The following GSS variants were observed in gnomAD, a reference collection of about 807,000 sequenced individuals.
GSS encodes glutathione synthetase.
A neutral mutation model predicts 60.4 loss-of-function variants in GSS; 34 were observed. The ratio of observed to expected loss-of-function variants is 0.56; its 90% CI spans 0.43 to 0.75. The LOEUF (loss-of-function observed/expected upper bound fraction) is 0.75. GSS is among the 30% of genes least tolerant of loss of function. The pLI is 0.00. For synonymous variants in GSS, 224 were observed against 239.0 expected, an observed-to-expected ratio of 0.94 and a Z score of 0.58; for missense variants, 499 against 595.1, an observed-to-expected ratio of 0.84 and a Z score of 1.68.
chr20:34,939,939 G>C (rs1436386299), intron 6 of GSS, among the ~76,000 whole-genome samples: 1 of 151,952 alleles, frequency 6.6e-6, no homozygotes, highest in Non-Finnish European at 1.5e-5. Flanking sequence ...CAAAGTGCTG[G>C]GATTAGAGGT....
In GSS at chr20:34,936,855, C is replaced by T; in HGVS notation, c.690-15G>A. 1.2e-6 allele frequency: 2 copies of T among 1,613,306 alleles called. No homozygotes were observed. Among genetic ancestry groups the T allele is most frequent in the Middle Eastern group, 1.7e-4 (1 of 6,060 alleles). On this transcript the variant is annotated splice_polypyrimidine_tract_variant and intron_variant, in intron 7 of 12. Transcript: ENST00000651619. ...CATGGATGTTCCTGGGAAAAATGGG[C>T]AAGAGCCAGAGGGAATGGATGCTAT...
In GSS at chr20:34,928,578, A is replaced by G; in HGVS notation, c.*250T>C. 1 of 565,834 alleles carries G rather than the reference A, an allele frequency of 1.8e-6. No homozygotes were observed. The highest frequency in any genetic ancestry group is 3.2e-6 in the Non-Finnish European group (1 of 314,492). 35.1% of individuals were successfully genotyped at this position (565,834 alleles called of 1,614,324 possible). A position where few individuals can be genotyped will look rare whatever the true frequency, so the allele number is the denominator to read the frequency against. On this transcript the variant is annotated 3_prime_UTR_variant, in exon 13 of 13. Coordinates refer to ENST00000651619, the MANE Select transcript of GSS (RefSeq NM_000178.4). ...GATGAGGGGCTGACAGGAGTGGGGC[A>G]GGGTTCATGGACCTTTACCTCAGAG...
intron 2 of GSS, 52 bp from the exon 3 acceptor site, chr20:34,946,150 T>C: frequency 6.7e-7 from 1 of 1,489,230 alleles, no homozygotes; most frequent in Non-Finnish European, 9.3e-7. Context: ...GTGAACGGGT[T>C]GTCTTCCTGC....
intron 1 of GSS, among the ~76,000 whole-genome samples, chr20:34,953,243 G>A (rs144221210): frequency 1.7e-4 from 26 of 152,320 alleles, no homozygotes; most frequent in Middle Eastern, 3.4e-3. Context: ...GTGGTCCCCA[G>A]GAAGGGAGTT....
intron 3 of GSS, 75 bp from the exon 4 acceptor site, chr20:34,943,081 T>A (rs1329513681): frequency 1.1e-6 from 1 of 942,196 alleles, no homozygotes; most frequent in African/African-American, 1.6e-5. Context: ...CCTCAGTCAT[T>A]GACTCCTGAA....
At chr20:34,932,809 C>T (rs1185095896) in intron 9 of GSS, among the ~76,000 whole-genome samples, 1 of 151,690 alleles carries the variant, frequency 6.6e-6, no homozygotes, top group Non-Finnish European at 1.5e-5. Flanking sequence ...CACAAACATA[C>T]ACACACAAAT....
intron 9 of GSS, among the ~76,000 whole-genome samples, chr20:34,935,335 T>A (rs1352115855): frequency 6.6e-6 from 1 of 152,224 alleles, no homozygotes; most frequent in Non-Finnish European, 1.5e-5. Flanking sequence ...AGCACATCTC[T>A]GGAAACAGTG....
intron 6 of GSS, among the ~76,000 whole-genome samples, chr20:34,940,403 A>T (rs575277673): frequency 6.6e-6 from 1 of 152,336 alleles, no homozygotes; most frequent in South Asian, 2.1e-4. Context: ...GATGACTTCT[A>T]AATGCTTACA....
intron 10 of GSS, 132 bp downstream of exon 10, chr20:34,931,807 C>T (rs1176062782): frequency 6.2e-6 from 5 of 809,654 alleles, no homozygotes; most frequent in Non-Finnish European, 1.0e-5. Flanking sequence ...AGGGGTTCTC[C>T]AGAGCATCAC....
intron 12 of GSS, 140 bp downstream of exon 12, chr20:34,929,261 G>T: frequency 1.2e-6 from 1 of 809,074 alleles, no homozygotes; most frequent in Non-Finnish European, 2.1e-6. Flanking sequence ...TAAAGAAACA[G>T]GTAATAAAGC....
At chr20:34,941,337 A>T (rs2081480939) in intron 6 of GSS, among the ~76,000 whole-genome samples, 1 of 148,738 alleles carries the variant, frequency 6.7e-6, no homozygotes, top group African/African-American at 2.5e-5. Flanking sequence ...CCTGGGTGAG[A>T]GAGTGAGACT....
intron 3 of GSS, among the ~76,000 whole-genome samples, chr20:34,943,315 G>C (rs1346205341): frequency 6.6e-6 from 1 of 152,136 alleles, no homozygotes; most frequent in African/African-American, 2.4e-5. Flanking sequence ...AAGCCAATAA[G>C]ATATTACATT....
intron 2 of GSS, among the ~76,000 whole-genome samples, chr20:34,947,982 A>G (rs1237648867): frequency 7.7e-6 from 1 of 130,388 alleles, no homozygotes; most frequent in African/African-American, 2.9e-5. Flanking sequence ...GGGTCTTACT[A>G]TGTTGCCCAG....
At chr20:34,950,745 G>A (rs1439485052) in intron 2 of GSS, among the ~76,000 whole-genome samples, 2 of 152,074 alleles carry the variant, frequency 1.3e-5, no homozygotes, top group African/African-American at 4.8e-5. Flanking sequence ...CTCCAGCCTG[G>A]GCAACAGAGC....
In GSS at chr20:34,936,761, A is replaced by G. The variant is rs746580480; in HGVS notation, c.767+2T>C. Reference sequence around the variant, plus strand: ...TTCCACTGGATTCTTGGGAATGCTTACACAAACAGCCTTCGGTCTTGGTCC... The same window carrying G: ...TTCCACTGGATTCTTGGGAATGCTTGCACAAACAGCCTTCGGTCTTGGTCC... On this transcript the variant is annotated splice_donor_variant, in intron 8 of 12. Coordinates refer to ENST00000651619, the MANE Select transcript of GSS (RefSeq NM_000178.4). LOFTEE classifies it high-confidence loss of function. 6.2e-7 allele frequency: 1 copy of G among 1,607,842 alleles called. No individual in the cohort carries two copies. The highest frequency in any genetic ancestry group is 8.5e-7 in the Non-Finnish European group (1 of 1,174,376).
chr20:34,944,013 C>T (rs566892319), intron 3 of GSS, among the ~76,000 whole-genome samples: 1 of 152,332 alleles, frequency 6.6e-6, no homozygotes, highest in African/African-American at 2.4e-5. Context: ...AGAAACGTCA[C>T]AGCAGACCAG....
chr20:34,928,972 G>A (rs1173058546), intron 12 of GSS, 21 bp from the exon 13 acceptor site: 1 of 1,612,496 alleles, frequency 6.2e-7, no homozygotes, highest in Non-Finnish European at 8.5e-7. Flanking sequence ...GGAGGCAGGG[G>A]ACACACATCA....
rs754268387 is a variant in GSS at position 34,931,944 on chromosome 20, C to T, written c.1024G>A (p.Asp342Asn). ...RATFAGLYSL[D>N]VGEEGDQAIA... ...GAAACAGGCTGCCCACGTACCACAT[C>T]CAGTGAGTAGAGGCCAGCAAAGGTG... The change falls in exon 10 of 13, where the codon GAT becomes AAT. Residue 342 changes from aspartate (D) to asparagine (N), a missense_variant. Physicochemically the swap from Asp to Asn is conservative, Grantham distance 23 (BLOSUM62 1). Coordinates refer to ENST00000651619, the MANE Select transcript of GSS (RefSeq NM_000178.4). 6.2e-7 allele frequency: 1 copy of T among 1,613,882 alleles called. No homozygotes were observed. The highest frequency in any genetic ancestry group is 8.5e-7 in the Non-Finnish European group (1 of 1,179,936).
At chr20:34,932,197 A>C in intron 9 of GSS, 64 bp from the exon 10 acceptor site, 1 of 1,262,474 alleles carries the variant, frequency 7.9e-7, no homozygotes. Context: ...TTTACTGAAC[A>C]TCCATCCATT....
Sources: gnomAD v4.1 joint callset for allele counts (sites outside exome capture counted in the v4.1 genomes callset) on GRCh38, gnomAD v4.1.1 for gene constraint, MANE v1.5 for transcripts, NCBI Gene and HGNC (gene_info 2026-07-23, HGNC 2026-07-21) for gene names.